NRXN3: variants seen among roughly 807,000 people sequenced by gnomAD.
The protein encoded by NRXN3 is neurexin III.
NRXN3 carries 32 observed loss-of-function variants against 137.6 expected under a neutral mutation model. The ratio of observed to expected loss-of-function variants is 0.23; its 90% CI spans 0.18 to 0.31. The LOEUF (loss-of-function observed/expected upper bound fraction) is 0.31. NRXN3 is among the 10% of genes least tolerant of loss of function. The pLI is 1.00. For missense variants in NRXN3, 1,574 were observed against 2,062.5 expected (o/e 0.76, Z 4.59); for synonymous variants, 798 against 784.5 (o/e 1.02, Z -0.29).
intron 20 of NRXN3, among the ~76,000 whole-genome samples, chr14:79,835,219 G>A (rs1055438760): frequency 6.6e-6 from 1 of 152,094 alleles, no homozygotes; most frequent in Non-Finnish European, 1.5e-5. Flanking sequence ...GGTAATGCCG[G>A]TATAATTTAG....
intron 4 of NRXN3, among the ~76,000 whole-genome samples, chr14:78,508,600 A>C (rs993829008): frequency 1.5e-4 from 23 of 152,302 alleles, no homozygotes; most frequent in African/African-American, 5.5e-4. Context: ...GGCACACTGA[A>C]GTAAGTATTA....
intron 15 of NRXN3, among the ~76,000 whole-genome samples, chr14:79,047,986 C>G (rs2099635534): frequency 6.6e-6 from 1 of 152,074 alleles, no homozygotes; most frequent in South Asian, 2.1e-4. Flanking sequence ...TTCACATTAG[C>G]TCTTTAATAG....
chr14:78,819,465 G>A (rs1286791294), intron 10 of NRXN3, among the ~76,000 whole-genome samples: 1 of 152,094 alleles, frequency 6.6e-6, no homozygotes, highest in Non-Finnish European at 1.5e-5. Flanking sequence ...TTAGAGTATA[G>A]GAGGATGTAC....
At chr14:79,652,826 C>T (rs149438414) in intron 16 of NRXN3, among the ~76,000 whole-genome samples, 90 of 151,864 alleles carry the variant, frequency 5.9e-4, no homozygotes, top group Middle Eastern at 3.4e-3. Context: ...GTCATAGGGC[C>T]GGCCTTTTTT....
intron 8 of NRXN3, among the ~76,000 whole-genome samples, chr14:78,794,931 A>G (rs1435184089): frequency 1.7e-4 from 2 of 11,638 alleles, no homozygotes; most frequent in Non-Finnish European, 1.6e-3. Context: ...CAAACAAACA[A>G]ACAAACAAAA....
chr14:78,770,541 T>C (rs1176275710), intron 8 of NRXN3, among the ~76,000 whole-genome samples: 2 of 152,170 alleles, frequency 1.3e-5, no homozygotes, highest in Non-Finnish European at 2.9e-5. Flanking sequence ...ACTGTGAACA[T>C]AGTGGCCAAA....
intron 16 of NRXN3, among the ~76,000 whole-genome samples, chr14:79,651,046 T>C (rs2098473373): frequency 2.0e-5 from 3 of 152,208 alleles, no homozygotes; most frequent in Non-Finnish European, 4.4e-5. Flanking sequence ...TTGTATTTAA[T>C]GGGAATCACG....
intron 8 of NRXN3, among the ~76,000 whole-genome samples, chr14:78,736,078 AC>A (rs1462881008): frequency 6.6e-6 from 1 of 151,998 alleles, no homozygotes; most frequent in Admixed American, 6.6e-5. Context: ...CTTTCCACCC[AC>A]CCTATCCCCT....
intron 1 of NRXN3, among the ~76,000 whole-genome samples, chr14:78,186,732 G>T (rs2060262370): frequency 6.6e-6 from 1 of 152,162 alleles, no homozygotes; most frequent in Admixed American, 6.5e-5. Context: ...CCTGTGTGTG[G>T]ATCTGTTGGG....
chr14:79,373,665 CTG>C (rs1408460024), intron 15 of NRXN3, among the ~76,000 whole-genome samples: 2 of 152,078 alleles, frequency 1.3e-5, no homozygotes, highest in Non-Finnish European at 2.9e-5. Context: ...CTTGTTATCT[CTG>C]GTAATGGAAG....
chr14:78,900,073 T>C (rs543935925), intron 10 of NRXN3, among the ~76,000 whole-genome samples: 1 of 152,142 alleles, frequency 6.6e-6, no homozygotes, highest in African/African-American at 2.4e-5. Flanking sequence ...ATATAATCTT[T>C]CTCCATCCAA....
intron 16 of NRXN3, among the ~76,000 whole-genome samples, chr14:79,489,890 T>A (rs1470741759): frequency 5.3e-5 from 8 of 151,606 alleles, no homozygotes; most frequent in Non-Finnish European, 1.0e-4. Context: ...ATACAAAAAA[T>A]TAGCCGGGCA....
chr14:79,008,738 AACCTCC>A (rs1407726899), intron 15 of NRXN3, among the ~76,000 whole-genome samples: 1 of 147,966 alleles, frequency 6.8e-6, no homozygotes, highest in African/African-American at 2.5e-5. Context: ...AGCTTCCTGC[AACCTCC>A]ACCCCTTGGG....
At chr14:79,607,472 C>A (rs1021034200) in intron 16 of NRXN3, among the ~76,000 whole-genome samples, 1 of 152,084 alleles carries the variant, frequency 6.6e-6, no homozygotes, top group Non-Finnish European at 1.5e-5. Context: ...ACATAAGAAG[C>A]CACCAACTCT....
intron 15 of NRXN3, chr14:79,201,570 C>G (rs1000481252): frequency 1.3e-5 from 2 of 152,094 alleles, no homozygotes; most frequent in Non-Finnish European, 2.9e-5. Flanking sequence ...ACTCTACTTT[C>G]TTTCTCTAGA....
intron 16 of NRXN3, among the ~76,000 whole-genome samples, chr14:79,510,285 A>T (rs2096920211): frequency 6.6e-6 from 1 of 152,222 alleles, no homozygotes; most frequent in Non-Finnish European, 1.5e-5. Context: ...GATACACTGT[A>T]TGCCATTGGA....
At chr14:79,010,965 G>A (rs1042471704) in intron 15 of NRXN3, among the ~76,000 whole-genome samples, 1 of 152,136 alleles carries the variant, frequency 6.6e-6, no homozygotes, top group African/African-American at 2.4e-5. Context: ...TTCCCAGAGA[G>A]GGATTAGACA....
At chr14:78,911,514 C>T (rs2099237588) in intron 10 of NRXN3, among the ~76,000 whole-genome samples, 2 of 152,254 alleles carry the variant, frequency 1.3e-5, no homozygotes, top group South Asian at 4.1e-4. Flanking sequence ...GTTCACTACC[C>T]ACAGAGCTGA....
chr14:79,433,990 C>T (rs190729955), intron 15 of NRXN3, among the ~76,000 whole-genome samples: 1 of 152,158 alleles, frequency 6.6e-6, no homozygotes, highest in African/African-American at 2.4e-5. Flanking sequence ...CTTAGACCCA[C>T]TGAATAAGGT....
Sources: allele counts gnomAD v4.1 joint callset (sites outside exome capture counted in the v4.1 genomes callset), GRCh38; gene constraint gnomAD v4.1.1; transcripts MANE v1.5; gene names NCBI Gene and HGNC (gene_info 2026-07-23, HGNC 2026-07-21).